FOXP2: variants seen among roughly 807,000 people sequenced by gnomAD.
FOXP2 encodes the protein forkhead box P2.
Under a neutral mutation model 115.8 loss-of-function variants are expected in FOXP2, and 12 were observed. The ratio of observed to expected loss-of-function variants is 0.10; its 90% CI spans 0.07 to 0.17. The LOEUF is 0.17. FOXP2 is among the 10% of genes least tolerant of loss of function. FOXP2 has a pLI of 1.00. For missense variants in FOXP2, 629 were observed against 843.5 expected, an observed-to-expected ratio of 0.75 and a Z score of 3.15; for synonymous variants, 328 against 297.7, an observed-to-expected ratio of 1.10 and a Z score of -1.05.
chr7:114,153,703 A>G (rs1792583298), intron 1 of FOXP2, among the ~76,000 whole-genome samples: 2 of 152,112 alleles, frequency 1.3e-5, no homozygotes, highest in South Asian at 2.1e-4. Context: ...AGAGGTGCTA[A>G]TCTCATCAAG....
intron 3 of FOXP2, among the ~76,000 whole-genome samples, chr7:114,563,390 C>G (rs1053738515): frequency 6.6e-6 from 1 of 152,132 alleles, no homozygotes; most frequent in Non-Finnish European, 1.5e-5. Flanking sequence ...TGTCTTTTCC[C>G]CATCTCCTGC....
intron 2 of FOXP2, among the ~76,000 whole-genome samples, chr7:114,462,077 C>T (rs1166270612): frequency 9.9e-5 from 15 of 151,546 alleles, no homozygotes; most frequent in African/African-American, 3.4e-4. Context: ...TCAAGAGATC[C>T]GAGACCATCC....
intron 5 of FOXP2, chr7:114,631,192 A>G: frequency 3.0e-6 from 1 of 336,722 alleles, no homozygotes; most frequent in Non-Finnish European, 5.5e-6. Flanking sequence ...GTAGAAGTTG[A>G]CTATTTCTGT....
intron 3 of FOXP2, among the ~76,000 whole-genome samples, chr7:114,545,311 T>A (rs1176811015): frequency 2.0e-5 from 3 of 152,210 alleles, no homozygotes; most frequent in African/African-American, 7.2e-5. Context: ...TAACTTTTGT[T>A]TGTTTATATA....
chr7:114,309,338 G>A (rs1916987), intron 2 of FOXP2, among the ~76,000 whole-genome samples: 97,142 of 152,006 alleles, frequency 0.64, 31,993 homozygotes, highest in Middle Eastern at 0.8. Flanking sequence ...GACAATCACC[G>A]TACGAAGTGT....
chr7:114,512,436 C>G (rs1798122515), intron 2 of FOXP2, among the ~76,000 whole-genome samples: 1 of 152,074 alleles, frequency 6.6e-6, no homozygotes, highest in African/African-American at 2.4e-5. Flanking sequence ...AGAGTAATGT[C>G]TGGATCCTTT....
intron 10 of FOXP2, among the ~76,000 whole-genome samples, chr7:114,654,370 T>C (rs765649562): frequency 7.9e-5 from 12 of 152,096 alleles, no homozygotes; most frequent in Non-Finnish European, 1.2e-4. Flanking sequence ...CAAATAGAAA[T>C]GTATGTGGTG....
intron 2 of FOXP2, among the ~76,000 whole-genome samples, chr7:114,442,903 G>A (rs1379647949): frequency 6.6e-6 from 1 of 152,140 alleles, no homozygotes. Context: ...ACACTTCTTT[G>A]CATGCAGCAA....
intron 2 of FOXP2, among the ~76,000 whole-genome samples, chr7:114,476,723 T>C (rs1193292336): frequency 6.6e-6 from 1 of 152,078 alleles, no homozygotes; most frequent in Non-Finnish European, 1.5e-5. Context: ...TTAGCTATGT[T>C]TAGGATATCA....
chr7:114,608,634 AAG>A (rs1472000332), intron 3 of FOXP2, among the ~76,000 whole-genome samples: 1 of 152,188 alleles, frequency 6.6e-6, no homozygotes, highest in Non-Finnish European at 1.5e-5. Context: ...GTATTATATA[AAG>A]ACTTGGATCA....
At chr7:114,443,730 A>C in intron 2 of FOXP2, among the ~76,000 whole-genome samples, 1 of 152,062 alleles carries the variant, frequency 6.6e-6, no homozygotes, top group South Asian at 2.1e-4. Context: ...AGTTCCACCC[A>C]TGTTGCTGCA....
chr7:114,470,518 G>T (rs940628827), intron 2 of FOXP2, among the ~76,000 whole-genome samples: 9 of 152,090 alleles, frequency 5.9e-5, no homozygotes, highest in African/African-American at 2.2e-4. Flanking sequence ...TGAGACCAGA[G>T]ATTATTTTTG....
intron 1 of FOXP2, among the ~76,000 whole-genome samples, chr7:114,215,589 C>T (rs913649411): frequency 4.6e-5 from 7 of 151,646 alleles, no homozygotes; most frequent in African/African-American, 1.7e-4. Context: ...CAGGTGTATT[C>T]CTCTTTCTAG....
At chr7:114,316,886 G>T (rs578010002) in intron 2 of FOXP2, among the ~76,000 whole-genome samples, 1 of 152,040 alleles carries the variant, frequency 6.6e-6, no homozygotes, top group South Asian at 2.1e-4. Flanking sequence ...CCTTGTGAAT[G>T]ATATAAACAC....
At chr7:114,628,834 C>T (rs748752086) in intron 4 of FOXP2, 157 bp downstream of exon 4, 26 of 851,266 alleles carry the variant, frequency 3.1e-5, no homozygotes, top group East Asian at 1.1e-4. Context: ...TTATAGAACT[C>T]GTAAGAAAAT....
chr7:114,644,836 T>C, intron 8 of FOXP2, 47 bp downstream of exon 8: 1 of 1,394,532 alleles, frequency 7.2e-7, no homozygotes, highest in Non-Finnish European at 1.0e-6. Flanking sequence ...CTGGATTATA[T>C]GGGCATTTTA....
intron 3 of FOXP2, among the ~76,000 whole-genome samples, chr7:114,558,900 T>TAAGAA (rs1800605112): frequency 2.6e-5 from 4 of 152,208 alleles, no homozygotes; most frequent in Non-Finnish European, 5.9e-5. Flanking sequence ...GTGGTTGGTG[T>TAAGAA]TCTGTAGTGT....
At chr7:114,387,226 A>G (rs1213355921) in intron 2 of FOXP2, among the ~76,000 whole-genome samples, 1 of 152,210 alleles carries the variant, frequency 6.6e-6, no homozygotes, top group Non-Finnish European at 1.5e-5. Flanking sequence ...GGATTTTGAT[A>G]ACACCTGTAT....
chr7:114,514,928 T>C (rs1798257362), intron 2 of FOXP2, among the ~76,000 whole-genome samples: 1 of 149,856 alleles, frequency 6.7e-6, no homozygotes, highest in Non-Finnish European at 1.5e-5. Context: ...CCATGTGTTC[T>C]CATTGTTCAA....
Sources: allele counts gnomAD v4.1 joint callset (sites outside exome capture counted in the v4.1 genomes callset), GRCh38; gene constraint gnomAD v4.1.1; transcripts MANE v1.5; gene names NCBI Gene and HGNC (gene_info 2026-07-23, HGNC 2026-07-21).